CD101: variants seen among roughly 807,000 people sequenced by gnomAD.
The protein encoded by CD101 is CD101 molecule.
CD101 carries 76 observed loss-of-function variants against 98.2 expected under a neutral mutation model. That is an observed-to-expected ratio of 0.77 (90% CI 0.64 to 0.94). CD101 has a LOEUF of 0.94. Among genes scored for constraint, CD101 ranks in the 40% least tolerant of loss-of-function variants. CD101 has a pLI of 0.00. For synonymous variants in CD101, 471 were observed against 472.7 expected (o/e 1.00, Z 0.05); for missense variants, 1,145 against 1,218.8 (o/e 0.94, Z 0.90).
chr1:117,028,086 A>AAAAT (rs993753842), intron 8 of CD101, among the ~76,000 whole-genome samples: 33 of 149,020 alleles, frequency 2.2e-4, no homozygotes, highest in African/African-American at 7.7e-4. Context: ...ACTCTGTCTC[A>AAAAT]AAATAAATAA....
In CD101 at chr1:117,013,601, G is replaced by A. The variant is rs773917981; in HGVS notation, c.1037G>A (p.Ser346Asn). ...GLKNDYKERA[S>N]QGELQVSKLG... ...AAGAATGACTACAAAGAGAGAGCAA[G>A]TCAAGGAGAGCTCCAGGTTTCAAAG... Residue 346 changes from serine to asparagine, a missense_variant, in exon 4 of 10, where the codon AGT becomes AAT. By Grantham distance (46) the Ser-to-Asn change is conservative (BLOSUM62 1). Transcript: ENST00000682167. 6.2e-7 allele frequency: 1 copy of A among 1,614,208 alleles called. No individual in the cohort carries two copies. Among genetic ancestry groups the A allele is most frequent in the South Asian group, 1.1e-5 (1 of 91,090 alleles).
Position 117,005,193 on chromosome 1 carries a change from G to C in CD101, c.43+3333G>C, listed in dbSNP as rs1410690930. Among the ~76,000 whole-genome samples the C allele has an allele frequency of 6.6e-6, 1 of 152,038 alleles. No homozygotes were observed. Among genetic ancestry groups the C allele is most frequent in the Non-Finnish European group, 1.5e-5 (1 of 68,008 alleles). ...GAGACTATAACACAGCACCCTCCCT[G>C]TCATCCCTCTACTAGGACATTACTT... On this transcript the variant is annotated intron_variant, in intron 1 of 9. Transcript: ENST00000682167. This position sits in a 1 kb window ranked among gnomAD's most constrained non-coding sequence, Gnocchi z 4.4.
rs1278245617 is a variant in CD101 at position 117,022,195 on chromosome 1, G to A, written c.2428+212G>A. ...CCAATCTGAGGTTTTGGGGAGCTGA[G>A]GTAGGAGCAATATCCCTTTGATTGG... On this transcript the variant is annotated intron_variant, in intron 7 of 9. Coordinates refer to ENST00000682167, the MANE Select transcript of CD101 (RefSeq NM_001256106.3). This position sits in a 1 kb window ranked among gnomAD's most constrained non-coding sequence, Gnocchi z 4.8. Among the ~76,000 whole-genome samples the A allele has an allele frequency of 6.6e-6, 1 of 152,184 alleles. No homozygotes were observed. Among genetic ancestry groups the A allele is most frequent in the Non-Finnish European group, 1.5e-5 (1 of 68,032 alleles).
At chr1:117,026,094 C>T (rs1355360988) in intron 8 of CD101, 190 bp downstream of exon 8, 1 of 575,736 alleles carries the variant, frequency 1.7e-6, no homozygotes, top group African/African-American at 1.9e-5. Context: ...AAACAAGGTC[C>T]ACATGAGATT....
chr1:117,003,079 T>G (rs1652333758), intron 1 of CD101, among the ~76,000 whole-genome samples: 2 of 151,770 alleles, frequency 1.3e-5, no homozygotes, highest in Non-Finnish European at 2.9e-5. Flanking sequence ...GAGGTGGAGG[T>G]TGCAGTGAGC....
At position 117,021,478 on chromosome 1, in the gene CD101, C is replaced by T. The variant is rs117605267; in HGVS notation, c.2018-95C>T. On this transcript the variant is annotated intron_variant, in intron 6 of 9. Transcript: ENST00000682167. This position sits in a 1 kb window ranked among gnomAD's most constrained non-coding sequence, Gnocchi z 4.7. ...TAGAGGGAGTTCACCCATATGATGG[C>T]GGGAGGATGCAGTGTCATACTTGAC... is the stretch of plus-strand genomic sequence containing the variant. 45 of 1,009,568 alleles carry T rather than the reference C, an allele frequency of 4.5e-5. No individual in the cohort carries two copies. The East Asian group carries it at 8.9e-4, about 20-fold the overall frequency. 62.5% of individuals were successfully genotyped at this position (1,009,568 alleles called of 1,614,324 possible). A position where few individuals can be genotyped will look rare whatever the true frequency, so the allele number is the denominator to read the frequency against.
At position 117,018,392 on chromosome 1, in the gene CD101, T is replaced by A. The variant is rs1432023868; in HGVS notation, c.1849T>A (p.Ser617Thr). 9.3e-6 allele frequency: 15 copies of A among 1,614,048 alleles called. No individual in the cohort carries two copies. Among genetic ancestry groups the A allele is most frequent in the Non-Finnish European group, 1.2e-5 (14 of 1,180,040 alleles). Residue 617 changes from serine (S) to threonine (T), a missense_variant, in exon 6 of 10, where the codon TCG becomes ACG. Physicochemically the swap from Ser to Thr is moderately conservative, Grantham distance 58. Coordinates refer to ENST00000682167, the MANE Select transcript of CD101 (RefSeq NM_001256106.3). The surrounding 1 kb of genome is among the most constrained non-coding windows in gnomAD (Gnocchi z 4.3). ...CCGGTTCCAAAAGAAGACGAAAGTG[T>A]CGCAGTCTTTATTTCGTTCACAACT... ...LSRFQKKTKVSQSLFRSQLLV... is the reference protein window; with the variant it reads ...LSRFQKKTKVTQSLFRSQLLV...
chr1:117,011,751 C>T lies in CD101; in HGVS notation c.626C>T (p.Pro209Leu), dbSNP rs778378117. Reference protein sequence around the residue: ...ISLSKDFILVPGPLYTERFAA... With the variant: ...ISLSKDFILVLGPLYTERFAA... ...CTCTCCAAAGATTTTATATTGGTCC[C>T]TGGGCCCTTGTATACAGAGCGGTTT... The change falls in exon 3 of 10, where the codon CCT (proline) becomes CTT (leucine). Residue 209 changes from proline to leucine, a missense_variant. Pro to Leu is a moderately conservative substitution (Grantham distance 98, BLOSUM62 -3). Transcript: ENST00000682167. 1.2e-6 allele frequency: 2 copies of T among 1,614,116 alleles called. No individual in the cohort carries two copies. The highest frequency in any genetic ancestry group is 1.7e-6 in the Non-Finnish European group (2 of 1,180,006).
chr1:117,012,154 C>T lies in CD101; in HGVS notation c.841+188C>T, dbSNP rs886444035. On this transcript the variant is annotated intron_variant, in intron 3 of 9. Transcript: ENST00000682167. The surrounding 1 kb of genome is among the most constrained non-coding windows in gnomAD (Gnocchi z 4.0). ...GGGAGCACATTCAGTTCTGGCTCTG[C>T]CCACGGATTCTTTATGGGATAAGGT... is the stretch of plus-strand genomic sequence containing the variant. Among the ~76,000 whole-genome samples the T allele has an allele frequency of 3.3e-5, 5 of 152,174 alleles. No homozygotes were observed. The highest frequency in any genetic ancestry group is 6.5e-5 in the Admixed American group (1 of 15,278).
At chr1:117,026,057 T>G in intron 8 of CD101, 153 bp downstream of exon 8, 1 of 743,690 alleles carries the variant, frequency 1.3e-6, no homozygotes, top group Non-Finnish European at 2.1e-6. Context: ...GACTTTGCTG[T>G]CTCTCTCAAT....
In CD101 at chr1:117,011,831, A is replaced by G. The variant is rs1570717470; in HGVS notation, c.706A>G (p.Ile236Val). Residue 236 changes from isoleucine (I) to valine (V), a missense_variant, in exon 3 of 10, where the codon ATA (isoleucine) becomes GTA (valine). Ile to Val is a conservative substitution (Grantham distance 29, BLOSUM62 3). Transcript: ENST00000682167. ...KLGPTTFRLS[I>V]ERLQSSDQGQ... ...GGGACCCACTACATTCAGGCTGTCC[A>G]TAGAGAGGCTCCAGTCCTCAGATCA... 1.2e-6 allele frequency: 2 copies of G among 1,614,168 alleles called. No individual in the cohort carries two copies. Among genetic ancestry groups the G allele is most frequent in the African/African-American group, 1.3e-5 (1 of 75,048 alleles).
rs747175727 is a variant in CD101 at position 117,021,796 on chromosome 1, A to G, written c.2241A>G (p.Arg747=). The change falls in exon 7 of 10, where the codon AGA becomes AGG. Residue 747 remains arginine (R), a synonymous_variant. Transcript: ENST00000682167. This position sits in a 1 kb window ranked among gnomAD's most constrained non-coding sequence, Gnocchi z 4.7. ...KTGDEFHTPQ[R]KQKFHTEKVS... ...GGGATGAGTTTCACACCCCACAGAG[A>G]AAACAAAAATTTCATACTGAGAAGG... 3 of 1,614,184 alleles carry G rather than the reference A, an allele frequency of 1.9e-6. No individual in the cohort carries two copies. In the Admixed American group the frequency reaches 5.0e-5, roughly 27 times the overall value.
In CD101 at chr1:117,018,613, C is replaced by T. The variant is rs1246095373; in HGVS notation, c.2017+53C>T. 2.0e-6 allele frequency: 3 copies of T among 1,489,328 alleles called. No homozygotes were observed. The highest frequency in any genetic ancestry group is 1.8e-6 in the Non-Finnish European group (2 of 1,105,656). The allele number at this position is 1,489,328 out of a possible 1,614,324, so 92.3% of individuals were successfully genotyped here. On this transcript the variant is annotated intron_variant, in intron 6 of 9. Transcript: ENST00000682167. The surrounding 1 kb of genome is among the most constrained non-coding windows in gnomAD (Gnocchi z 4.3). ...TTTTAAAAACAAACAAATAGCAATC[C>T]TCCCATTTTGGGTAAGTTATAACAA...
chr1:117,008,458 G>A (rs894300535), intron 1 of CD101, among the ~76,000 whole-genome samples: 27 of 151,222 alleles, frequency 1.8e-4, no homozygotes, highest in Non-Finnish European at 2.9e-4. Flanking sequence ...GAGCAAGACC[G>A]TGTCAAAAAA....
chr1:117,025,417 T>C, intron 7 of CD101, 92 bp from the exon 8 acceptor site: 1 of 1,098,078 alleles, frequency 9.1e-7, no homozygotes, highest in Non-Finnish European at 1.3e-6. Context: ...CTAAAGAATA[T>C]AAGATCTTCC....
chr1:117,016,968 A>C (rs1653257655), intron 4 of CD101, 122 bp from the exon 5 acceptor site: 1 of 1,081,730 alleles, frequency 9.2e-7, no homozygotes, highest in Admixed American at 2.6e-5. Flanking sequence ...GTGCAAGAGG[A>C]AACAGCCCAA....
rs201588674 is a variant in CD101, at chr1:117,017,109, T to C, written c.1248T>C (p.Ser416=). Residue 416 remains serine, a synonymous_variant, in exon 5 of 10, where the codon TCT becomes TCC. Transcript: ENST00000682167. The part of the protein sequence containing the change: ...RKPAARSVVM[S]TKNKQQVVWE... ...TCACAGCAAGAAGTGTGGTCATGTCTACCAAGAACAAGCAGCAAGTTGTGT... is the reference window on the plus strand; with the variant it reads ...TCACAGCAAGAAGTGTGGTCATGTCCACCAAGAACAAGCAGCAAGTTGTGT... 1.9e-6 allele frequency: 3 copies of C among 1,613,984 alleles called. No individual in the cohort carries two copies. Among genetic ancestry groups the C allele is most frequent in the Non-Finnish European group, 2.5e-6 (3 of 1,179,868 alleles).
intron 5 of CD101, among the ~76,000 whole-genome samples, chr1:117,017,778 A>T (rs192923382): frequency 4.4e-4 from 67 of 152,280 alleles, no homozygotes; most frequent in Admixed American, 3.9e-3. Context: ...TGGCCCTGGG[A>T]TTGCAGAGCC....
At chr1:117,029,256 A>C (rs866272275) in intron 8 of CD101, among the ~76,000 whole-genome samples, 1 of 138,504 alleles carries the variant, frequency 7.2e-6, no homozygotes, top group Non-Finnish European at 1.5e-5. Flanking sequence ...AAAGAAAGAA[A>C]GAAAGAAAGA....
Sources: gnomAD v4.1 joint callset for allele counts (sites outside exome capture counted in the v4.1 genomes callset) on GRCh38, gnomAD v4.1.1 for gene constraint, Gnocchi (gnomAD v3.1) non-coding constraint, MANE v1.5 for transcripts, NCBI Gene and HGNC (gene_info 2026-07-23, HGNC 2026-07-21) for gene names.